ULBP1: variants seen among roughly 807,000 people sequenced by gnomAD.
The protein encoded by ULBP1 is UL16 binding protein 1, also known as UL16-binding protein 1.
Under a neutral mutation model 25.3 loss-of-function variants are expected in ULBP1, and 28 were observed. The ratio of observed to expected loss-of-function variants is 1.10; its 90% CI spans 0.82 to 1.51. ULBP1 has a LOEUF of 1.51. ULBP1 is among the 40% of genes most tolerant of loss of function. The probability of loss-of-function intolerance (pLI) is 0.00; values close to 1 mark genes in which losing one functional copy is unlikely to be tolerated. For synonymous variants in ULBP1, 129 were observed against 103.0 expected (o/e 1.25, Z -1.53); for missense variants, 348 against 290.9 (o/e 1.20, Z -1.43).
chr6:149,968,557 A>G (rs2114711293), intron 1 of ULBP1, 50 bp from the exon 2 acceptor site: 1 of 1,568,090 alleles, frequency 6.4e-7, no homozygotes, highest in Non-Finnish European at 8.7e-7. Flanking sequence ...GAGGGGATAC[A>G]GGTTCCATTT....
At position 149,972,019 on chromosome 6, in the gene ULBP1, C is replaced by A. The variant is rs1291602650; in HGVS notation, c.*673C>A. ...ATTTTTAGGTAGAGGTAGGGTCTTC[C>A]TATGTTGCCCAGGATGGTCTTCAAA... On this transcript the variant is annotated 3_prime_UTR_variant, in exon 5 of 5. Coordinates refer to ENST00000229708, the MANE Select transcript of ULBP1 (RefSeq NM_025218.4). The A allele has an allele frequency of 6.6e-6, 1 of 152,152 alleles. No individual in the cohort carries two copies. Among genetic ancestry groups the A allele is most frequent in the East Asian group, 1.9e-4 (1 of 5,196 alleles). 9.4% of individuals were successfully genotyped at this position (152,152 alleles called of 1,614,324 possible).
At chr6:149,965,154 CCCCCAGAACA>C (rs1779181234) in intron 1 of ULBP1, among the ~76,000 whole-genome samples, 1 of 141,846 alleles carries the variant, frequency 7.0e-6, no homozygotes, top group African/African-American at 3.0e-5. Flanking sequence ...ACATCGCGAT[CCCCCAGAACA>C]TCGCGGCCTC....
chr6:149,969,334 A>G lies in ULBP1; in HGVS notation c.599A>G (p.Tyr200Cys). The G allele has an allele frequency of 6.2e-7, 1 of 1,613,802 alleles. No individual in the cohort carries two copies. The highest frequency in any genetic ancestry group is 8.5e-7 in the Non-Finnish European group (1 of 1,179,686). The change falls in exon 3 of 5, where the codon TAC (tyrosine) becomes TGC (cysteine). Residue 200 changes from tyrosine to cysteine, a missense_variant. By Grantham distance (194) the Tyr-to-Cys change is radical. Transcript: ENST00000229708. The stretch of plus-strand genomic sequence containing the variant: ...ATGTGGCTTGAAGAATTTTTGATGT[A>G]CTGGGAACAAATGCTGGATCCAACA... ...CKMWLEEFLM[Y>C]WEQMLDPTKP...
chr6:149,967,613 C>T (rs1562494079), intron 1 of ULBP1, among the ~76,000 whole-genome samples: 1 of 152,278 alleles, frequency 6.6e-6, no homozygotes, highest in East Asian at 1.9e-4. Context: ...TCTTTTGGAT[C>T]CTTGACCCCT....
At chr6:149,969,449 G>T in intron 3 of ULBP1, 89 bp downstream of exon 3, 1 of 1,542,232 alleles carries the variant, frequency 6.5e-7, no homozygotes, top group South Asian at 1.2e-5. Context: ...GTGTGTGTTT[G>T]AGTGAGTATG....
Position 149,968,473 on chromosome 6 carries a change from C to T in ULBP1, c.86-134C>T, listed in dbSNP as rs1236464571. On this transcript the variant is annotated intron_variant, in intron 1 of 4. Coordinates refer to ENST00000229708, the MANE Select transcript of ULBP1 (RefSeq NM_025218.4). Reference sequence around the variant, plus strand: ...GTCATTAACTAGTTTTCATGACAGTCCTGGCTGGGGCATGTCTTGGTCTGC... The same window carrying T: ...GTCATTAACTAGTTTTCATGACAGTTCTGGCTGGGGCATGTCTTGGTCTGC... 6 of 1,220,174 alleles carry T rather than the reference C, an allele frequency of 4.9e-6. No homozygotes were observed. In the South Asian group the frequency reaches 6.2e-5, roughly 13 times the overall value. The allele number at this position is 1,220,174 out of a possible 1,614,324, so 75.6% of individuals were successfully genotyped here.
intron 3 of ULBP1, 91 bp downstream of exon 3, chr6:149,969,451 G>A: frequency 6.5e-7 from 1 of 1,543,138 alleles, no homozygotes; most frequent in Non-Finnish European, 8.8e-7. Context: ...GTGTGTTTGA[G>A]TGAGTATGAA....
chr6:149,967,739 C>T (rs539271686), intron 1 of ULBP1, among the ~76,000 whole-genome samples: 40 of 152,124 alleles, frequency 2.6e-4, no homozygotes, highest in African/African-American at 5.5e-4. Context: ...TGACGGCCTC[C>T]GCTTGAGATC....
chr6:149,970,110 T>A lies in ULBP1; in HGVS notation c.720T>A (p.Ile240=). The part of the protein sequence containing the change: ...WSLLIIFLCF[I]LAGR ...TTCTCATCATCTTCCTCTGCTTCAT[T>A]CTAGCTGGCAGATGAGGAGAGTTGT... Residue 240 remains isoleucine (I), a synonymous_variant, in exon 4 of 5, where the codon ATT becomes ATA. Coordinates refer to ENST00000229708, the MANE Select transcript of ULBP1 (RefSeq NM_025218.4). 7 of 1,610,294 alleles carry A rather than the reference T, an allele frequency of 4.3e-6. No individual in the cohort carries two copies. The highest frequency in any genetic ancestry group is 5.1e-6 in the Non-Finnish European group (6 of 1,178,324).
chr6:149,971,280 G>A (rs548497127), intron 4 of ULBP1, 89 bp from the exon 5 acceptor site: 21 of 928,030 alleles, frequency 2.3e-5, no homozygotes, highest in South Asian at 5.0e-5. Context: ...GAGAGGTTCC[G>A]AAATGGGGAG....
chr6:149,971,055 A>T (rs1779307891), intron 4 of ULBP1, among the ~76,000 whole-genome samples: 2 of 152,228 alleles, frequency 1.3e-5, no homozygotes, highest in Non-Finnish European at 2.9e-5. Context: ...CTCTTTGGAC[A>T]GGGTTCCCCC....
Position 149,963,969 on chromosome 6 carries a change from T to C in ULBP1, c.-81T>C. The C allele has an allele frequency of 6.8e-7, 1 of 1,462,426 alleles. No individual in the cohort carries two copies. The highest frequency in any genetic ancestry group is 1.2e-5 in the South Asian group (1 of 84,316). 90.6% of individuals were successfully genotyped at this position (1,462,426 alleles called of 1,614,324 possible). A position where few individuals can be genotyped will look rare whatever the true frequency, so the allele number is the denominator to read the frequency against. On this transcript the variant is annotated 5_prime_UTR_variant, in exon 1 of 5. Coordinates refer to ENST00000229708, the MANE Select transcript of ULBP1 (RefSeq NM_025218.4). ...TATCCCTGCGCGCGGCGGGCCGGGCTGGGCAGCTTTATAAACAGCCGTGGT... is the reference window on the plus strand; with the variant it reads ...TATCCCTGCGCGCGGCGGGCCGGGCCGGGCAGCTTTATAAACAGCCGTGGT...
rs373146552 is a variant in ULBP1, at chr6:149,964,104, C to T, written c.55C>T (p.Leu19=). ...FLLCLPLLHL[L]SGWSRAGWVD... ...TCTGTGCCTCCCGCTTCTGCACCTGCTGTCTGGCTGGTCCCGGGCAGGATG... is the reference window on the plus strand; with the variant it reads ...TCTGTGCCTCCCGCTTCTGCACCTGTTGTCTGGCTGGTCCCGGGCAGGATG... Residue 19 remains leucine, a synonymous_variant, in exon 1 of 5, where the codon CTG becomes TTG. Coordinates refer to ENST00000229708, the MANE Select transcript of ULBP1 (RefSeq NM_025218.4). 4.3e-6 allele frequency: 7 copies of T among 1,614,130 alleles called. No homozygotes were observed. The highest frequency in any genetic ancestry group is 1.7e-5 in the Admixed American group (1 of 60,010).
chr6:149,964,191 C>T, intron 1 of ULBP1, 57 bp downstream of exon 1: 1 of 1,594,926 alleles, frequency 6.3e-7, no homozygotes, highest in South Asian at 1.1e-5. Context: ...AGGTTGTGGA[C>T]TGCAGCGGGT....
At chr6:149,969,878 T>G (rs567227096) in intron 3 of ULBP1, 138 bp from the exon 4 acceptor site, 2 of 1,165,656 alleles carry the variant, frequency 1.7e-6, no homozygotes, top group African/African-American at 3.1e-5. Flanking sequence ...CCCCAAGACT[T>G]GTCCCAGAGG....
At position 149,969,995 on chromosome 6, in the gene ULBP1, A is replaced by T. The variant is rs116543549; in HGVS notation, c.626-21A>T. 2,722 of 1,599,770 alleles carry T rather than the reference A, an allele frequency of 1.7e-3. 45 individuals are homozygous for T. In the African/African-American group the frequency reaches 0.031, roughly 18 times the overall value. ...ATTTTGAGCCTGGACAAGGGTTGTCACTCCTGTGTTTCCATTTCAGAACCA... is the reference window on the plus strand; with the variant it reads ...ATTTTGAGCCTGGACAAGGGTTGTCTCTCCTGTGTTTCCATTTCAGAACCA... On this transcript the variant is annotated intron_variant, in intron 3 of 4. Coordinates refer to ENST00000229708, the MANE Select transcript of ULBP1 (RefSeq NM_025218.4).
In ULBP1 at chr6:149,970,132, T is replaced by C; in HGVS notation, c.*7T>C. On this transcript the variant is annotated 3_prime_UTR_variant, in exon 4 of 5. Coordinates refer to ENST00000229708, the MANE Select transcript of ULBP1 (RefSeq NM_025218.4). ...CATTCTAGCTGGCAGATGAGGAGAG[T>C]TGTTTAGAGTGACAGGTACTGTGGG... 6.3e-7 allele frequency: 1 copy of C among 1,596,806 alleles called. No individual in the cohort carries two copies. Among genetic ancestry groups the C allele is most frequent in the Non-Finnish European group, 8.5e-7 (1 of 1,171,518 alleles).
intron 4 of ULBP1, 133 bp downstream of exon 4, chr6:149,970,280 G>C: frequency 7.8e-7 from 1 of 1,279,300 alleles, no homozygotes; most frequent in Non-Finnish European, 1.1e-6. Flanking sequence ...GAGACCTGCT[G>C]TCACCTGTTG....
chr6:149,966,463 T>C (rs1337842302), intron 1 of ULBP1, among the ~76,000 whole-genome samples: 1 of 152,148 alleles, frequency 6.6e-6, no homozygotes, highest in Admixed American at 6.5e-5. Flanking sequence ...ACTGCGCCCC[T>C]CCTTTGCTGC....
Sources: allele counts gnomAD v4.1 joint callset (sites outside exome capture counted in the v4.1 genomes callset), GRCh38; gene constraint gnomAD v4.1.1; transcripts MANE v1.5; gene names NCBI Gene and HGNC (gene_info 2026-07-23, HGNC 2026-07-21).